RAB3C: variants seen among roughly 807,000 people sequenced by gnomAD.
RAB3C encodes the protein RAB3C, member RAS oncogene family, also known as ras-related protein Rab-3C.
Under a neutral mutation model 26.4 loss-of-function variants are expected in RAB3C, and 17 were observed. The observed-to-expected ratio is 0.64, with a 90% CI of 0.44 to 0.97. The LOEUF is 0.97. Ranked by LOEUF, RAB3C falls within the 50% of genes least tolerant of loss-of-function variation. The pLI is 0.00. For synonymous variants in RAB3C, 91 were observed against 95.9 expected, an observed-to-expected ratio of 0.95 and a Z score of 0.30; for missense variants, 242 against 281.9, an observed-to-expected ratio of 0.86 and a Z score of 1.01.
intron 2 of RAB3C, among the ~76,000 whole-genome samples, chr5:58,647,161 C>A (rs1480580231): frequency 6.6e-6 from 1 of 152,214 alleles, no homozygotes; most frequent in African/African-American, 2.4e-5. Flanking sequence ...CCCAACATAA[C>A]AGCTTTGTAG....
chr5:58,691,072 T>C (rs1369858019), intron 2 of RAB3C, among the ~76,000 whole-genome samples: 1 of 151,998 alleles, frequency 6.6e-6, no homozygotes, highest in African/African-American at 2.4e-5. Context: ...AACACATACA[T>C]TATGATAGTT....
chr5:58,766,244 G>T (rs1016918433), intron 3 of RAB3C, among the ~76,000 whole-genome samples: 3 of 151,992 alleles, frequency 2.0e-5, no homozygotes, highest in Admixed American at 2.0e-4. Flanking sequence ...AGCCTCCAGA[G>T]TAGCTGGGAT....
intron 3 of RAB3C, among the ~76,000 whole-genome samples, chr5:58,730,202 T>C (rs1740985564): frequency 6.6e-6 from 1 of 151,908 alleles, no homozygotes; most frequent in South Asian, 2.1e-4. Flanking sequence ...GGAAAGACTA[T>C]CTTATTTATC....
chr5:58,717,691 T>C (rs976274589), intron 2 of RAB3C, among the ~76,000 whole-genome samples: 3 of 152,064 alleles, frequency 2.0e-5, no homozygotes, highest in Non-Finnish European at 4.4e-5. Flanking sequence ...GCAAAACGTC[T>C]CAAGTGCAGC....
At chr5:58,768,891 C>T (rs1323412336) in intron 3 of RAB3C, among the ~76,000 whole-genome samples, 1 of 152,106 alleles carries the variant, frequency 6.6e-6, no homozygotes, top group East Asian at 1.9e-4. Context: ...TAAATTCACT[C>T]CCACTGCTAT....
intron 2 of RAB3C, among the ~76,000 whole-genome samples, chr5:58,633,141 A>G (rs2111752310): frequency 6.6e-6 from 1 of 152,326 alleles, no homozygotes; most frequent in African/African-American, 2.4e-5. Flanking sequence ...GAGGGAACTG[A>G]CCTGTTTTCA....
At position 58,687,742 on chromosome 5, in the gene RAB3C, G is replaced by A. The variant is rs1280313831; in HGVS notation, c.253-38260G>A. The stretch of plus-strand genomic sequence containing the variant: ...TGAGCCTAATCTAAACATTAGTGCA[G>A]TTCATCCTACATGTAAGATGCACTC... On this transcript the variant is annotated intron_variant, in intron 2 of 4. Coordinates refer to ENST00000282878, the MANE Select transcript of RAB3C (RefSeq NM_138453.4). 2.6e-5 allele frequency among the ~76,000 whole-genome samples: 4 copies of A among 152,204 alleles called. No homozygotes were observed. In the South Asian group the frequency reaches 8.3e-4, roughly 32 times the overall value.
intron 4 of RAB3C, among the ~76,000 whole-genome samples, chr5:58,832,988 A>T (rs1743648591): frequency 6.6e-6 from 1 of 151,012 alleles, no homozygotes; most frequent in Non-Finnish European, 1.5e-5. Flanking sequence ...GTACAAAAGG[A>T]AAATATTAAT....
chr5:58,851,120 GA>G (rs1414228736), intron 4 of RAB3C, 43 bp from the exon 5 acceptor site: 1 of 1,542,046 alleles, frequency 6.5e-7, no homozygotes, highest in Non-Finnish European at 8.8e-7. Context: ...TTTAATTTCA[GA>G]AATGCAAAAT....
Position 58,851,480 on chromosome 5 carries a change from G to A in RAB3C, c.*129G>A, listed in dbSNP as rs764165227. ...AGGAATAAATTGATGTCAATGGCTC[G>A]TACGCATTCAATTCTTGGGAGCTTT... On this transcript the variant is annotated 3_prime_UTR_variant, in exon 5 of 5. Coordinates refer to ENST00000282878, the MANE Select transcript of RAB3C (RefSeq NM_138453.4). 466 of 666,984 alleles carry A rather than the reference G, an allele frequency of 7.0e-4. No homozygotes were observed. Among genetic ancestry groups the A allele is most frequent in the Middle Eastern group, 2.8e-3 (10 of 3,564 alleles). The allele number at this position is 666,984 out of a possible 1,614,324, so 41.3% of individuals were successfully genotyped here. A position where few individuals can be genotyped will look rare whatever the true frequency, so the allele number is the denominator to read the frequency against.
chr5:58,775,000 T>C (rs1561126167), intron 3 of RAB3C, among the ~76,000 whole-genome samples: 1 of 151,898 alleles, frequency 6.6e-6, no homozygotes, highest in Non-Finnish European at 1.5e-5. Context: ...AGTAGAGGAG[T>C]GGCATGGTCC....
At chr5:58,724,446 G>C (rs923581324) in intron 2 of RAB3C, among the ~76,000 whole-genome samples, 11 of 151,658 alleles carry the variant, frequency 7.3e-5, no homozygotes, top group African/African-American at 1.9e-4. Flanking sequence ...TGAATTGCAA[G>C]CTTCTTAAAA....
chr5:58,674,711 T>C (rs1748187642), intron 2 of RAB3C, among the ~76,000 whole-genome samples: 1 of 152,222 alleles, frequency 6.6e-6, no homozygotes, highest in Non-Finnish European at 1.5e-5. Flanking sequence ...TACAGTGTAT[T>C]TTAAGTGCAT....
intron 3 of RAB3C, among the ~76,000 whole-genome samples, chr5:58,750,739 T>TG: frequency 6.6e-6 from 1 of 152,338 alleles, no homozygotes; most frequent in South Asian, 2.1e-4. Context: ...TTTTACCTTA[T>TG]GTTGTTTATT....
At chr5:58,611,827 T>C (rs1746710485) in intron 1 of RAB3C, among the ~76,000 whole-genome samples, 1 of 152,150 alleles carries the variant, frequency 6.6e-6, no homozygotes, top group African/African-American at 2.4e-5. Flanking sequence ...TCAATAATGG[T>C]ATTGCCTAGG....
chr5:58,708,196 C>T (rs561268271), intron 2 of RAB3C, among the ~76,000 whole-genome samples: 1 of 152,112 alleles, frequency 6.6e-6, no homozygotes, highest in East Asian at 1.9e-4. Context: ...TGCGATGTTG[C>T]CCAGGCTGGT....
chr5:58,804,256 T>C (rs1742882297), intron 3 of RAB3C, among the ~76,000 whole-genome samples: 1 of 152,142 alleles, frequency 6.6e-6, no homozygotes, highest in African/African-American at 2.4e-5. Context: ...TTTAATTGTC[T>C]CCACATTCAA....
chr5:58,730,637 C>A (rs1740992896), intron 3 of RAB3C, among the ~76,000 whole-genome samples: 1 of 152,036 alleles, frequency 6.6e-6, no homozygotes, highest in Non-Finnish European at 1.5e-5. Context: ...CTCTTCCCAA[C>A]AAAATGCACT....
intron 2 of RAB3C, among the ~76,000 whole-genome samples, chr5:58,657,626 G>A (rs1218468341): frequency 2.0e-5 from 3 of 152,156 alleles, no homozygotes; most frequent in Non-Finnish European, 2.9e-5. Context: ...GGTGAGGTGG[G>A]AGAAGCAGAC....
Sources: gnomAD v4.1 joint callset for allele counts (sites outside exome capture counted in the v4.1 genomes callset) on GRCh38, gnomAD v4.1.1 for gene constraint, MANE v1.5 for transcripts, NCBI Gene and HGNC (gene_info 2026-07-23, HGNC 2026-07-21) for gene names.